POU6F2: variants seen among roughly 807,000 people sequenced by gnomAD.
POU6F2 encodes the protein POU class 6 homeobox 2.
A neutral mutation model predicts 71.3 loss-of-function variants in POU6F2; 31 were observed. That is an observed-to-expected ratio of 0.43 (90% CI 0.33 to 0.59). POU6F2 has a LOEUF of 0.59. POU6F2 is among the 20% of genes least tolerant of loss of function. POU6F2 has a pLI of 0.04. For synonymous variants in POU6F2, 347 were observed against 355.7 expected (o/e 0.98, Z 0.27); for missense variants, 783 against 856.8 (o/e 0.91, Z 1.07).
intron 7 of POU6F2, among the ~76,000 whole-genome samples, chr7:39,437,890 A>G (rs1031233071): frequency 6.6e-6 from 1 of 151,810 alleles, no homozygotes; most frequent in African/African-American, 2.4e-5. Context: ...CCCAGGAGTC[A>G]TCTAGGAGCA....
chr7:39,186,666 C>T lies in POU6F2; in HGVS notation c.278-17569C>T, dbSNP rs1271856949. On this transcript the variant is annotated intron_variant, in intron 2 of 9. Transcript: ENST00000518318. ...TCCTTTCATTCTTCTTCCACTACCG[C>T]TCATACAGGACTGCATGGATTTCTG... Among the ~76,000 whole-genome samples the T allele has an allele frequency of 3.7e-4, 57 of 152,204 alleles. 2 individuals carry two copies. The highest frequency in any genetic ancestry group is 3.7e-3 in the Admixed American group (57 of 15,280).
intron 6 of POU6F2, among the ~76,000 whole-genome samples, chr7:39,411,627 T>C (rs1047466225): frequency 3.9e-5 from 6 of 152,278 alleles, no homozygotes; most frequent in African/African-American, 1.2e-4. Context: ...AGAACGCACA[T>C]ACATATGACA....
At chr7:39,390,987 C>G (rs919808220) in intron 5 of POU6F2, among the ~76,000 whole-genome samples, 2 of 152,238 alleles carry the variant, frequency 1.3e-5, no homozygotes, top group African/African-American at 2.4e-5. Context: ...CCGAGCAAAC[C>G]CTGGGACTAG....
At chr7:39,246,358 A>G (rs1783820561) in intron 4 of POU6F2, among the ~76,000 whole-genome samples, 1 of 152,164 alleles carries the variant, frequency 6.6e-6, no homozygotes. Context: ...AATTGTGATT[A>G]GTACTACCAA....
chr7:39,397,904 C>T (rs1281651065), intron 5 of POU6F2, among the ~76,000 whole-genome samples: 2 of 149,998 alleles, frequency 1.3e-5, no homozygotes, highest in South Asian at 2.1e-4. Flanking sequence ...CTGCAACCTC[C>T]GCCTCCCGGG....
chr7:39,073,215 T>G (rs188279764), intron 1 of POU6F2, among the ~76,000 whole-genome samples: 2 of 152,270 alleles, frequency 1.3e-5, no homozygotes, highest in Non-Finnish European at 1.5e-5. Flanking sequence ...TAAATATTAA[T>G]AAAGGCTGGC....
At chr7:39,061,388 A>G (rs968571764) in intron 1 of POU6F2, among the ~76,000 whole-genome samples, 2 of 152,214 alleles carry the variant, frequency 1.3e-5, no homozygotes, top group African/African-American at 4.8e-5. Context: ...CTGACTAGTG[A>G]TAGTTTTTTC....
At chr7:39,177,351 T>A (rs925449150) in intron 2 of POU6F2, among the ~76,000 whole-genome samples, 11 of 152,168 alleles carry the variant, frequency 7.2e-5, no homozygotes, top group African/African-American at 2.4e-4. Flanking sequence ...TGGGGGCACC[T>A]GTGTTAGAGG....
Position 39,220,204 on chromosome 7 carries a change from C to T in POU6F2, c.598+12584C>T, listed in dbSNP as rs114564625. ...ACTCACTTCCAGTTTATTATGAAAC[C>T]GTGAAAGGTGTGCCACTTCCCCAAC... On this transcript the variant is annotated intron_variant, in intron 4 of 9. Coordinates refer to ENST00000518318, the MANE Select transcript of POU6F2 (RefSeq NM_001370959.1). 2.2e-3 allele frequency among the ~76,000 whole-genome samples: 333 copies of T among 152,180 alleles called. 1 individual carries two copies. Among genetic ancestry groups the T allele is most frequent in the African/African-American group, 7.2e-3 (300 of 41,506 alleles).
chr7:39,191,185 TG>T (rs1014142911), intron 2 of POU6F2, among the ~76,000 whole-genome samples: 10 of 152,208 alleles, frequency 6.6e-5, no homozygotes, highest in African/African-American at 2.4e-4. Context: ...AAGGAAGATT[TG>T]GGGATGCAAA....
At chr7:39,351,962 G>A (rs1232761785) in intron 5 of POU6F2, among the ~76,000 whole-genome samples, 1 of 152,102 alleles carries the variant, frequency 6.6e-6, no homozygotes, top group African/African-American at 2.4e-5. Flanking sequence ...CATGACTCCT[G>A]GAGTCATGGA....
intron 1 of POU6F2, among the ~76,000 whole-genome samples, chr7:39,074,672 G>A (rs542741971): frequency 1.3e-5 from 2 of 152,188 alleles, no homozygotes; most frequent in South Asian, 2.1e-4. Flanking sequence ...GTGGTTTCTT[G>A]TTGAATTTTT....
chr7:39,221,684 G>T (rs1470510666), intron 4 of POU6F2, among the ~76,000 whole-genome samples: 1 of 151,982 alleles, frequency 6.6e-6, no homozygotes, highest in Non-Finnish European at 1.5e-5. Flanking sequence ...ATCGCACCTG[G>T]CCTAAAAATG....
At chr7:39,180,461 CAGA>C (rs1251670003) in intron 2 of POU6F2, among the ~76,000 whole-genome samples, 2 of 152,212 alleles carry the variant, frequency 1.3e-5, no homozygotes, top group African/African-American at 4.8e-5. Context: ...GCACACAGCA[CAGA>C]AGAAGCCTCC....
intron 6 of POU6F2, among the ~76,000 whole-genome samples, chr7:39,409,831 T>C (rs1300072644): frequency 2.0e-5 from 3 of 152,268 alleles, no homozygotes; most frequent in Non-Finnish European, 4.4e-5. Context: ...TTCTGTTAAC[T>C]GGATATCAGT....
At chr7:39,432,989 C>T in intron 6 of POU6F2, 88 bp from the exon 7 acceptor site, 1 of 1,372,894 alleles carries the variant, frequency 7.3e-7, no homozygotes, top group Non-Finnish European at 1.0e-6. Flanking sequence ...CAGGGAGCAT[C>T]CTAGAGAGAC....
intron 3 of POU6F2, among the ~76,000 whole-genome samples, chr7:39,205,071 T>C (rs923564129): frequency 1.3e-5 from 2 of 151,966 alleles, no homozygotes; most frequent in African/African-American, 4.8e-5. Context: ...CACCCAAGTT[T>C]AGAGTGAGGG....
At chr7:39,155,043 A>G (rs1284708295) in intron 2 of POU6F2, among the ~76,000 whole-genome samples, 1 of 152,072 alleles carries the variant, frequency 6.6e-6, no homozygotes, top group African/African-American at 2.4e-5. Flanking sequence ...CTCATCCATA[A>G]AAGAACCACA....
chr7:39,003,389 A>T (rs1313900064), intron 1 of POU6F2, among the ~76,000 whole-genome samples: 4 of 151,992 alleles, frequency 2.6e-5, no homozygotes, highest in Non-Finnish European at 5.9e-5. Context: ...AGCGACCTGG[A>T]TAAAGAAATT....
Sources: gnomAD v4.1 joint callset for allele counts (sites outside exome capture counted in the v4.1 genomes callset) on GRCh38, gnomAD v4.1.1 for gene constraint, MANE v1.5 for transcripts, NCBI Gene and HGNC (gene_info 2026-07-23, HGNC 2026-07-21) for gene names.